SRP9: variants seen among roughly 807,000 people sequenced by gnomAD.
SRP9 encodes the protein signal recognition particle 9 kDa protein.
Under a neutral mutation model 11.7 loss-of-function variants are expected in SRP9, and 2 were observed. The ratio of observed to expected loss-of-function variants is 0.17; its 90% confidence interval spans 0.07 to 0.54. The LOEUF is 0.54. Among genes scored for constraint, SRP9 ranks in the 20% least tolerant of loss-of-function variants. The pLI is 0.94. For missense variants in SRP9, 54 were observed against 108.1 expected (o/e 0.50, Z 2.22); for synonymous variants, 27 against 35.6 (o/e 0.76, Z 0.86).
intron 2 of SRP9, among the ~76,000 whole-genome samples, chr1:225,785,238 T>C (rs1487023620): frequency 2.9e-5 from 3 of 104,462 alleles, no homozygotes; most frequent in African/African-American, 1.0e-4. Flanking sequence ...GCCCAACTAA[T>C]TTTTTTTTTT....
chr1:225,778,239 T>G (rs1456396243), intron 1 of SRP9, among the ~76,000 whole-genome samples: 2 of 152,234 alleles, frequency 1.3e-5, no homozygotes, highest in African/African-American at 4.8e-5. Flanking sequence ...CCTAAACATT[T>G]CTGCAATCGA....
At chr1:225,783,937 G>A (rs996251552) in intron 2 of SRP9, among the ~76,000 whole-genome samples, 10 of 150,962 alleles carry the variant, frequency 6.6e-5, no homozygotes, top group African/African-American at 2.4e-4. Context: ...TGGCACTTGT[G>A]GTTCTGTTTT....
intron 2 of SRP9, 46 bp downstream of exon 2, chr1:225,783,414 GTTAA>G: frequency 6.9e-7 from 1 of 1,451,220 alleles, no homozygotes; most frequent in Non-Finnish European, 9.6e-7. Context: ...ATTTGTTTGA[GTTAA>G]TTATTTGTTT....
chr1:225,788,656 C>T (rs537328301), intron 2 of SRP9, among the ~76,000 whole-genome samples: 5 of 152,212 alleles, frequency 3.3e-5, no homozygotes, highest in African/African-American at 4.8e-5. Flanking sequence ...CCTGGTGGTC[C>T]GCCTGCCTCG....
chr1:225,784,016 G>T (rs1471015495), intron 2 of SRP9, among the ~76,000 whole-genome samples: 1 of 149,610 alleles, frequency 6.7e-6, no homozygotes, highest in Non-Finnish European at 1.5e-5. Context: ...TTTTTGATGT[G>T]CCCCATATAT....
intron 2 of SRP9, chr1:225,786,816 CTTTTG>C (rs893391921): frequency 4.0e-6 from 5 of 1,248,492 alleles, no homozygotes; most frequent in Non-Finnish European, 5.2e-6. Flanking sequence ...TACATGTATT[CTTTTG>C]TTTGTTGATT....
chr1:225,786,945 C>T (rs931824179), intron 2 of SRP9: 27 of 615,002 alleles, frequency 4.4e-5, no homozygotes, highest in East Asian at 6.9e-5. Flanking sequence ...TGGGCTCAAG[C>T]GGTCCTCTTG....
At chr1:225,786,323 A>C (rs1559006201) in intron 2 of SRP9, among the ~76,000 whole-genome samples, 1 of 152,252 alleles carries the variant, frequency 6.6e-6, no homozygotes, top group Non-Finnish European at 1.5e-5. Context: ...CTTCAAGACA[A>C]TAGAGATAGA....
intron 2 of SRP9, among the ~76,000 whole-genome samples, chr1:225,787,586 C>CT (rs758554320): frequency 6.6e-6 from 1 of 152,134 alleles, no homozygotes; most frequent in Non-Finnish European, 1.5e-5. Context: ...TACAAAAGGC[C>CT]TTATCTCCAA....
intron 1 of SRP9, 122 bp from the exon 2 acceptor site, chr1:225,783,178 T>G (rs1408891784): frequency 4.7e-6 from 3 of 638,684 alleles, no homozygotes; most frequent in Non-Finnish European, 5.3e-6. Flanking sequence ...ATAGTAAAAA[T>G]GCCTTTAGAT....
rs1375278155 is a variant in SRP9, at chr1:225,789,994, T to C, written c.*635T>C. On this transcript the variant is annotated 3_prime_UTR_variant, in exon 3 of 3. Transcript: ENST00000304786. ...AGTATCAGCTTGTTGAGCAATGACT[T>C]TGAATCTAGTTTTCAGTGATCAGAA... 6.6e-6 allele frequency: 1 copy of C among 152,300 alleles called. No individual in the cohort carries two copies. Among genetic ancestry groups the C allele is most frequent in the Non-Finnish European group, 1.5e-5 (1 of 68,112 alleles). The allele number at this position is 152,300 out of a possible 1,614,324, so 9.4% of individuals were successfully genotyped here. A position where few individuals can be genotyped will look rare whatever the true frequency, so the allele number is the denominator to read the frequency against.
intron 1 of SRP9, among the ~76,000 whole-genome samples, chr1:225,778,523 G>A (rs951118049): frequency 7.9e-5 from 12 of 152,218 alleles, no homozygotes; most frequent in Non-Finnish European, 1.6e-4. Context: ...GGGACCATAA[G>A]AATAATATTT....
chr1:225,778,191 G>T (rs1250753165), intron 1 of SRP9, among the ~76,000 whole-genome samples, 179 bp downstream of exon 1: 1 of 152,236 alleles, frequency 6.6e-6, no homozygotes, highest in Non-Finnish European at 1.5e-5. Context: ...GCGGCCCAGT[G>T]AGGCCCTGAA....
At chr1:225,783,646 TAA>T (rs2102648979) in intron 2 of SRP9, among the ~76,000 whole-genome samples, 1 of 152,304 alleles carries the variant, frequency 6.6e-6, no homozygotes, top group Non-Finnish European at 1.5e-5. Flanking sequence ...TGTAAGGGAG[TAA>T]AAGTTTCCTT....
intron 1 of SRP9, among the ~76,000 whole-genome samples, chr1:225,778,757 TTGTCA>T (rs1308209843): frequency 6.6e-6 from 1 of 152,228 alleles, no homozygotes; most frequent in Non-Finnish European, 1.5e-5. Context: ...GGTTATTTTA[TTGTCA>T]TGTCTAAGAA....
At chr1:225,782,389 C>G (rs1454197507) in intron 1 of SRP9, among the ~76,000 whole-genome samples, 1 of 152,058 alleles carries the variant, frequency 6.6e-6, no homozygotes, top group African/African-American at 2.4e-5. Flanking sequence ...TGGTCTCAAT[C>G]TCCTGACTTT....
chr1:225,778,063 C>T (rs564501393), intron 1 of SRP9, 51 bp downstream of exon 1: 3 of 1,598,594 alleles, frequency 1.9e-6, no homozygotes, highest in Non-Finnish European at 2.6e-6. Flanking sequence ...GGATGTCTTC[C>T]CGCCATCCAC....
At chr1:225,787,197 T>G (rs1665935896) in intron 2 of SRP9, among the ~76,000 whole-genome samples, 1 of 152,048 alleles carries the variant, frequency 6.6e-6, no homozygotes, top group Non-Finnish European at 1.5e-5. Flanking sequence ...CACAGAGTGG[T>G]TAGGTATACT....
intron 2 of SRP9, among the ~76,000 whole-genome samples, chr1:225,785,946 A>G (rs1665901616): frequency 6.6e-6 from 1 of 152,212 alleles, no homozygotes; most frequent in Non-Finnish European, 1.5e-5. Context: ...TCGGCCTCCC[A>G]AAGTGCTGGG....
Sources: gnomAD v4.1 joint callset for allele counts (sites outside exome capture counted in the v4.1 genomes callset) on GRCh38, gnomAD v4.1.1 for gene constraint, MANE v1.5 for transcripts, NCBI Gene and HGNC (gene_info 2026-07-23, HGNC 2026-07-21) for gene names.